Variants in MYO3B observed in about 807,000 individuals in gnomAD.
The protein encoded by MYO3B is myosin IIIB.
Under a neutral mutation model 174.6 loss-of-function variants are expected in MYO3B, and 156 were observed. The observed-to-expected ratio is 0.89, with a 90% confidence interval of 0.78 to 1.02. MYO3B has a LOEUF of 1.02. Ranked by LOEUF, MYO3B falls within the 50% of genes least tolerant of loss-of-function variation. The probability of loss-of-function intolerance (pLI) is 0.00; values close to 1 mark genes in which losing one functional copy is unlikely to be tolerated. For synonymous variants in MYO3B, 563 were observed against 569.1 expected (o/e 0.99, Z 0.15); for missense variants, 1,632 against 1,639.4 (o/e 1.00, Z 0.08).
intron 9 of MYO3B, among the ~76,000 whole-genome samples, chr2:170,379,071 A>G (rs2094315348): frequency 6.6e-6 from 1 of 152,204 alleles, no homozygotes; most frequent in Non-Finnish European, 1.5e-5. Context: ...GTAATTTTTT[A>G]ATTATTGATT....
chr2:170,310,791 AC>A (rs2093734367), intron 7 of MYO3B, among the ~76,000 whole-genome samples: 2 of 152,066 alleles, frequency 1.3e-5, no homozygotes, highest in Non-Finnish European at 2.9e-5. Context: ...ATGTCTAAAG[AC>A]CTGGGATTAA....
intron 3 of MYO3B, among the ~76,000 whole-genome samples, chr2:170,205,455 G>T (rs1374868467): frequency 6.6e-6 from 1 of 152,118 alleles, no homozygotes; most frequent in African/African-American, 2.4e-5. Flanking sequence ...GAAAGCCTGT[G>T]CCTCCCTGAG....
chr2:170,524,665 G>T (rs1688891471), intron 30 of MYO3B: 2 of 333,324 alleles, frequency 6.0e-6, no homozygotes, highest in African/African-American at 2.2e-5. Flanking sequence ...TGTGTTTTTA[G>T]TGGAGATGGG....
At chr2:170,399,877 A>G (rs1411415011) in intron 16 of MYO3B, among the ~76,000 whole-genome samples, 1 of 152,236 alleles carries the variant, frequency 6.6e-6, no homozygotes, top group Admixed American at 6.5e-5. Flanking sequence ...AGGCATCCTC[A>G]TCAGTGGCAT....
At chr2:170,254,667 A>C (rs1257731573) in intron 7 of MYO3B, among the ~76,000 whole-genome samples, 1 of 152,170 alleles carries the variant, frequency 6.6e-6, no homozygotes, top group Non-Finnish European at 1.5e-5. Context: ...GTGTGAGCAC[A>C]CCACCCAGGG....
At chr2:170,278,910 T>C (rs1465703889) in intron 7 of MYO3B, among the ~76,000 whole-genome samples, 1 of 152,222 alleles carries the variant, frequency 6.6e-6, no homozygotes, top group Non-Finnish European at 1.5e-5. Flanking sequence ...TTTTATTTAA[T>C]GTAATGACCT....
At chr2:170,318,819 A>T (rs569812941) in intron 7 of MYO3B, among the ~76,000 whole-genome samples, 2 of 119,574 alleles carry the variant, frequency 1.7e-5, no homozygotes, top group African/African-American at 5.1e-5. Context: ...GATGAGGCCA[A>T]AAAAATCTGT....
chr2:170,382,847 C>T, intron 10 of MYO3B: 1 of 400,004 alleles, frequency 2.5e-6, no homozygotes, highest in Non-Finnish European at 4.5e-6. Flanking sequence ...TTTAGCAAGT[C>T]CTAAGTGGGC....
chr2:170,515,240 G>A (rs1263063649), intron 29 of MYO3B, among the ~76,000 whole-genome samples: 1 of 152,172 alleles, frequency 6.6e-6, no homozygotes, highest in Non-Finnish European at 1.5e-5. Context: ...GATAAGCTCC[G>A]TTCCTCACAG....
intron 5 of MYO3B, 144 bp downstream of exon 5, chr2:170,214,972 G>A (rs1341753746): frequency 3.1e-6 from 2 of 638,210 alleles, no homozygotes; most frequent in African/African-American, 1.8e-5. Context: ...GGAGGGGGTG[G>A]GGGCTCCAGA....
intron 1 of MYO3B, among the ~76,000 whole-genome samples, chr2:170,179,925 G>T (rs921115380): frequency 1.3e-5 from 2 of 152,078 alleles, no homozygotes; most frequent in African/African-American, 4.8e-5. Flanking sequence ...CACAGTTCAG[G>T]TTTCCGATTT....
chr2:170,179,491 A>G (rs563977667), intron 1 of MYO3B, among the ~76,000 whole-genome samples: 1 of 152,328 alleles, frequency 6.6e-6, no homozygotes, highest in Admixed American at 6.5e-5. Context: ...CTAGGTCATG[A>G]GGGCTCTGCC....
chr2:170,192,522 TAATTA>T (rs1467646091), intron 1 of MYO3B, among the ~76,000 whole-genome samples: 1 of 151,236 alleles, frequency 6.6e-6, no homozygotes, highest in Non-Finnish European at 1.5e-5. Flanking sequence ...ATCTTTAATT[TAATTA>T]TATATTCTAC....
intron 7 of MYO3B, among the ~76,000 whole-genome samples, chr2:170,310,343 C>T (rs1322728609): frequency 6.6e-6 from 1 of 152,024 alleles, no homozygotes; most frequent in East Asian, 1.9e-4. Flanking sequence ...TTTAGGGAGG[C>T]ATAAGACATC....
intron 32 of MYO3B, among the ~76,000 whole-genome samples, chr2:170,609,323 A>G (rs571804607): frequency 2.2e-4 from 33 of 152,356 alleles, no homozygotes; most frequent in Non-Finnish European, 4.1e-4. Flanking sequence ...ACACACACGT[A>G]CATGTCATAC....
intron 32 of MYO3B, among the ~76,000 whole-genome samples, chr2:170,592,223 G>A (rs1693860748): frequency 6.6e-6 from 1 of 152,126 alleles, no homozygotes; most frequent in Admixed American, 6.6e-5. Flanking sequence ...TTTTGAGGAT[G>A]TTTCAGGCGT....
intron 32 of MYO3B, among the ~76,000 whole-genome samples, chr2:170,638,263 C>T (rs752089280): frequency 3.3e-5 from 5 of 152,162 alleles, no homozygotes; most frequent in African/African-American, 4.8e-5. Context: ...AATCTATACA[C>T]TGCAGGTTTT....
chr2:170,524,452 C>T (rs1036584743), intron 30 of MYO3B: 3 of 420,382 alleles, frequency 7.1e-6, no homozygotes, highest in Non-Finnish European at 9.3e-6. Context: ...GCATTTGGTT[C>T]ATTAGCAATT....
chr2:170,279,931 G>A (rs1288112462), intron 7 of MYO3B, among the ~76,000 whole-genome samples: 1 of 152,118 alleles, frequency 6.6e-6, no homozygotes, highest in Non-Finnish European at 1.5e-5. Context: ...AAACATTTGT[G>A]TGCATATGTC....
Sources: allele counts gnomAD v4.1 joint callset (sites outside exome capture counted in the v4.1 genomes callset), GRCh38; gene constraint gnomAD v4.1.1; transcripts MANE v1.5; gene names NCBI Gene and HGNC (gene_info 2026-07-23, HGNC 2026-07-21).